Variants in HPSE2 observed in about 807,000 individuals in gnomAD.
HPSE2 encodes the protein heparanase 2 (inactive), also known as inactive heparanase-2.
In HPSE2, 38 loss-of-function variants were observed where a neutral mutation model predicts 60.5. That is an observed-to-expected ratio of 0.63 (90% confidence interval 0.48 to 0.82). The LOEUF is 0.82. Ranked by LOEUF, HPSE2 falls within the 40% of genes least tolerant of loss-of-function variation. The pLI is 0.00. For missense variants in HPSE2, 713 were observed against 740.4 expected, an observed-to-expected ratio of 0.96 and a Z score of 0.43; for synonymous variants, 295 against 293.2, an observed-to-expected ratio of 1.01 and a Z score of -0.06.
At chr10:98,977,729 T>C (rs761329998) in intron 3 of HPSE2, among the ~76,000 whole-genome samples, 5 of 152,082 alleles carry the variant, frequency 3.3e-5, no homozygotes, top group Admixed American at 1.3e-4. Context: ...TTTGCCTCTC[T>C]GCCTTTCCAC....
intron 3 of HPSE2, among the ~76,000 whole-genome samples, chr10:98,853,777 C>T (rs368441843): frequency 1.3e-5 from 2 of 152,290 alleles, no homozygotes; most frequent in East Asian, 3.9e-4. Context: ...TTCTTACTAA[C>T]TGTGTGGCCT....
At chr10:98,869,641 G>A (rs1033847075) in intron 3 of HPSE2, among the ~76,000 whole-genome samples, 3 of 152,138 alleles carry the variant, frequency 2.0e-5, no homozygotes, top group Admixed American at 2.0e-4. Context: ...ACCAGTGAGA[G>A]TATTTACAAT....
chr10:99,140,002 A>G (rs1309736782), intron 3 of HPSE2, among the ~76,000 whole-genome samples: 12 of 152,246 alleles, frequency 7.9e-5, no homozygotes, highest in African/African-American at 1.9e-4. Flanking sequence ...ATTTTAATAA[A>G]CATGCAAATA....
intron 3 of HPSE2, among the ~76,000 whole-genome samples, chr10:98,925,917 A>C (rs186751526): frequency 3.3e-5 from 5 of 152,256 alleles, no homozygotes; most frequent in Admixed American, 2.0e-4. Context: ...CAGGGAACTC[A>C]CCATCATGTT....
intron 9 of HPSE2, among the ~76,000 whole-genome samples, chr10:98,564,852 T>C (rs957359528): frequency 2.0e-5 from 3 of 152,166 alleles, no homozygotes; most frequent in Admixed American, 1.3e-4. Flanking sequence ...CCAACCATCA[T>C]TGAAAGTTCT....
At chr10:98,811,278 C>T (rs980691090) in intron 3 of HPSE2, among the ~76,000 whole-genome samples, 10 of 152,092 alleles carry the variant, frequency 6.6e-5, no homozygotes, top group African/African-American at 2.4e-4. Context: ...CTCAAAAACA[C>T]TCCTCACAAT....
chr10:99,092,408 A>AT, intron 3 of HPSE2, among the ~76,000 whole-genome samples: 1 of 152,320 alleles, frequency 6.6e-6, no homozygotes, highest in East Asian at 1.9e-4. Context: ...AAAAATGGTA[A>AT]ACTGTGGTCT....
At chr10:98,569,569 TCTC>T (rs1163356459) in intron 9 of HPSE2, among the ~76,000 whole-genome samples, 2 of 152,118 alleles carry the variant, frequency 1.3e-5, no homozygotes, top group Non-Finnish European at 2.9e-5. Context: ...TCTCATTCTC[TCTC>T]CTCCTCAAGT....
At chr10:98,986,677 C>A (rs1344760987) in intron 3 of HPSE2, among the ~76,000 whole-genome samples, 1 of 111,614 alleles carries the variant, frequency 9.0e-6, no homozygotes, top group Non-Finnish European at 2.3e-5. Context: ...ACACAAAAAA[C>A]CCTTCAAAAA....
intron 11 of HPSE2, among the ~76,000 whole-genome samples, chr10:98,473,811 C>T (rs1401072426): frequency 2.6e-5 from 4 of 152,118 alleles, no homozygotes; most frequent in African/African-American, 9.7e-5. Flanking sequence ...AGGCTCTTTC[C>T]TACAATCAGA....
chr10:98,762,473 C>T (rs773681048), intron 3 of HPSE2, among the ~76,000 whole-genome samples: 1 of 152,084 alleles, frequency 6.6e-6, no homozygotes, highest in Non-Finnish European at 1.5e-5. Flanking sequence ...GGATATGAAA[C>T]AGCAGAAGTA....
In HPSE2 at chr10:98,931,438, T is replaced by C. The variant is rs1006742391; in HGVS notation, c.611-187382A>G. Among the ~76,000 whole-genome samples the C allele has an allele frequency of 2.8e-5, 4 of 144,212 alleles. 1 individual carries two copies. The highest frequency in any genetic ancestry group is 6.0e-5 in the Non-Finnish European group (4 of 67,210). The allele number at this position is 144,212 out of a possible 152,430, so 94.6% of individuals were successfully genotyped here. A position where few individuals can be genotyped will look rare whatever the true frequency, so the allele number is the denominator to read the frequency against. ...GCTTTGTTCTTTTTACTTAGGGTTG[T>C]CTTGGCTATGCAAGCTCTTTTTTGG... On this transcript the variant is annotated intron_variant, in intron 3 of 11. Coordinates refer to ENST00000370552, the MANE Select transcript of HPSE2 (RefSeq NM_021828.5).
chr10:98,945,816 A>G (rs922352233), intron 3 of HPSE2, among the ~76,000 whole-genome samples: 2 of 152,190 alleles, frequency 1.3e-5, no homozygotes, highest in Non-Finnish European at 2.9e-5. Context: ...AAACAATTAG[A>G]TAATTCTGAT....
intron 2 of HPSE2, among the ~76,000 whole-genome samples, chr10:99,205,650 A>C (rs910258337): frequency 6.6e-6 from 1 of 152,206 alleles, no homozygotes; most frequent in Admixed American, 6.5e-5. Flanking sequence ...ATATATATCA[A>C]AACCTACACA....
intron 9 of HPSE2, among the ~76,000 whole-genome samples, chr10:98,490,515 A>C (rs1941607442): frequency 6.6e-6 from 1 of 152,310 alleles, no homozygotes; most frequent in South Asian, 2.1e-4. Context: ...AAACCATTTG[A>C]GGCTTTACAT....
At chr10:99,164,565 G>T (rs1323524522) in intron 2 of HPSE2, among the ~76,000 whole-genome samples, 4 of 152,036 alleles carry the variant, frequency 2.6e-5, no homozygotes, top group Admixed American at 2.6e-4. Flanking sequence ...CACCACATGT[G>T]TTCATTGCTA....
intron 6 of HPSE2, among the ~76,000 whole-genome samples, chr10:98,657,695 T>A (rs1302345161): frequency 6.6e-6 from 1 of 152,238 alleles, no homozygotes; most frequent in Admixed American, 6.5e-5. Flanking sequence ...TCTGTTCTCT[T>A]ATTAAGTTTA....
chr10:98,653,812 T>C (rs1946984740), intron 6 of HPSE2, among the ~76,000 whole-genome samples: 1 of 152,154 alleles, frequency 6.6e-6, no homozygotes, highest in Non-Finnish European at 1.5e-5. Context: ...TTCCTTTCCT[T>C]TTGTAGACTT....
intron 2 of HPSE2, among the ~76,000 whole-genome samples, chr10:99,229,634 G>A (rs1849582611): frequency 6.6e-6 from 1 of 152,152 alleles, no homozygotes; most frequent in Admixed American, 6.5e-5. Flanking sequence ...ACATTCATAA[G>A]TCATAGGGCC....
Sources: allele counts gnomAD v4.1 joint callset (sites outside exome capture counted in the v4.1 genomes callset), GRCh38; gene constraint gnomAD v4.1.1; transcripts MANE v1.5; gene names NCBI Gene and HGNC (gene_info 2026-07-23, HGNC 2026-07-21).